SUGCT: variants seen among roughly 807,000 people sequenced by gnomAD.
SUGCT encodes succinyl-CoA:glutarate-CoA transferase.
In SUGCT, 41 loss-of-function variants were observed where a neutral mutation model predicts 55.0. That is an observed-to-expected ratio of 0.74 (90% confidence interval 0.58 to 0.97). The LOEUF (loss-of-function observed/expected upper bound fraction) is 0.97. SUGCT is among the 50% of genes least tolerant of loss of function. The probability of loss-of-function intolerance (pLI) is 0.00; values close to 1 mark genes in which losing one functional copy is unlikely to be tolerated. For missense variants in SUGCT, 568 were observed against 547.8 expected (o/e 1.04, Z -0.37); for synonymous variants, 187 against 200.4 (o/e 0.93, Z 0.56).
chr7:40,359,124 C>T (rs190673704), intron 9 of SUGCT, among the ~76,000 whole-genome samples: 1 of 152,188 alleles, frequency 6.6e-6, no homozygotes. Context: ...CTTATTCCAG[C>T]AGCATTAGCT....
intron 9 of SUGCT, among the ~76,000 whole-genome samples, chr7:40,370,448 A>G (rs908776539): frequency 1.3e-5 from 2 of 152,108 alleles, no homozygotes; most frequent in African/African-American, 4.8e-5. Context: ...TGATCCCCCC[A>G]TATGAAGTTG....
At chr7:40,763,536 C>T (rs1017177664) in intron 13 of SUGCT, among the ~76,000 whole-genome samples, 5 of 152,234 alleles carry the variant, frequency 3.3e-5, no homozygotes, top group East Asian at 3.9e-4. Context: ...TGAAATGGTT[C>T]GCTCATGTTT....
intron 12 of SUGCT, among the ~76,000 whole-genome samples, chr7:40,522,977 T>C (rs1276046962): frequency 6.6e-6 from 1 of 152,148 alleles, no homozygotes; most frequent in African/African-American, 2.4e-5. Context: ...ATGTAATTAA[T>C]GTTTGCCAAA....
Position 40,604,079 on chromosome 7 carries a change from T to TG in SUGCT, c.1089+107698dup, listed in dbSNP as rs554907520. ...CTGCTTCTAGACCTTTGCATAGGAGTGGGGGAGGTTCCTCAATGTGGGGGT... is the reference window on the plus strand; with the variant it reads ...CTGCTTCTAGACCTTTGCATAGGAGTGGGGGGAGGTTCCTCAATGTGGGGGT... On this transcript the variant is annotated intron_variant, in intron 12 of 13. Coordinates refer to ENST00000335693, the MANE Select transcript of SUGCT (RefSeq NM_001193313.2). Among the ~76,000 whole-genome samples the TG allele has an allele frequency of 1.4e-3, 216 of 152,042 alleles. 1 individual carries two copies. The highest frequency in any genetic ancestry group is 4.7e-3 in the African/African-American group (195 of 41,478).
At chr7:40,492,667 C>G (rs888516287) in intron 11 of SUGCT, among the ~76,000 whole-genome samples, 1 of 152,192 alleles carries the variant, frequency 6.6e-6, no homozygotes, top group Non-Finnish European at 1.5e-5. Context: ...AAGAGCCTTT[C>G]TCTCATCTTT....
intron 12 of SUGCT, among the ~76,000 whole-genome samples, chr7:40,518,854 A>G (rs868060392): frequency 6.6e-6 from 1 of 152,116 alleles, no homozygotes. Flanking sequence ...AAATGACAAT[A>G]AATAGACCAG....
At chr7:40,931,787 A>G in the SUGCT span, among the ~76,000 whole-genome samples, 2 of 152,010 alleles carry the variant, frequency 1.3e-5, no homozygotes, top group Non-Finnish European at 2.9e-5. Context: ...ATCATTTTTT[A>G]TTGCATCTAT....
At chr7:40,998,196 C>T in the SUGCT span, among the ~76,000 whole-genome samples, 73 of 152,162 alleles carry the variant, frequency 4.8e-4, 3 homozygotes, top group South Asian at 0.012. Flanking sequence ...ATGAAACCCC[C>T]GTTTGTACTA....
rs372894804 is a variant in SUGCT at position 40,674,193 on chromosome 7, A to T, written c.1090-75241A>T. Among the ~76,000 whole-genome samples the T allele has an allele frequency of 4.9e-4, 74 of 152,362 alleles. 4 individuals carry two copies. In the South Asian group the frequency reaches 0.01, roughly 21 times the overall value. ...TTTCTTCTTGGAAGGTATAAATTTT[A>T]TAAAAGGAGTGGCTACATAAAATGG... On this transcript the variant is annotated intron_variant, in intron 12 of 13. Coordinates refer to ENST00000335693, the MANE Select transcript of SUGCT (RefSeq NM_001193313.2).
intron 9 of SUGCT, among the ~76,000 whole-genome samples, chr7:40,396,997 A>G (rs1212335878): frequency 6.6e-6 from 1 of 152,212 alleles, no homozygotes; most frequent in Non-Finnish European, 1.5e-5. Context: ...TATGAATACT[A>G]TACTGGTCTT....
intron 12 of SUGCT, among the ~76,000 whole-genome samples, chr7:40,662,787 A>G (rs1424761886): frequency 6.6e-6 from 1 of 152,136 alleles, no homozygotes; most frequent in Non-Finnish European, 1.5e-5. Context: ...TGATCTCAAC[A>G]TATTTTATAT....
the SUGCT span, among the ~76,000 whole-genome samples, chr7:40,937,958 C>A: frequency 6.6e-6 from 1 of 152,150 alleles, no homozygotes; most frequent in Non-Finnish European, 1.5e-5. Context: ...ATAAGGAGCA[C>A]ACAACCTAGA....
intron 12 of SUGCT, among the ~76,000 whole-genome samples, chr7:40,709,517 C>G (rs1785595141): frequency 6.6e-6 from 1 of 152,206 alleles, no homozygotes; most frequent in African/African-American, 2.4e-5. Flanking sequence ...GCAAGGAGTT[C>G]AGGCTTAAGA....
At chr7:40,360,495 C>G (rs780085163) in intron 9 of SUGCT, among the ~76,000 whole-genome samples, 2 of 152,190 alleles carry the variant, frequency 1.3e-5, no homozygotes, top group African/African-American at 2.4e-5. Context: ...CAGTGAAGAA[C>G]AAGCAATTGC....
chr7:40,455,612 T>C (rs1243327479), intron 10 of SUGCT, among the ~76,000 whole-genome samples: 1 of 152,238 alleles, frequency 6.6e-6, no homozygotes, highest in African/African-American at 2.4e-5. Context: ...CAAATTCTTG[T>C]GCAAATACTT....
chr7:40,367,348 A>T (rs1211857635), intron 9 of SUGCT, among the ~76,000 whole-genome samples: 1 of 151,828 alleles, frequency 6.6e-6, no homozygotes, highest in African/African-American at 2.4e-5. Flanking sequence ...GGACACCAGC[A>T]TGGCACATGT....
intron 12 of SUGCT, among the ~76,000 whole-genome samples, chr7:40,500,910 AAC>A (rs1792249376): frequency 6.6e-6 from 1 of 151,612 alleles, no homozygotes; most frequent in East Asian, 1.9e-4. Flanking sequence ...CATACACACA[AAC>A]ACACCCACAC....
At chr7:40,889,473 A>G in the SUGCT span, among the ~76,000 whole-genome samples, 1 of 152,096 alleles carries the variant, frequency 6.6e-6, no homozygotes, top group African/African-American at 2.4e-5. Flanking sequence ...ATGCCATCAA[A>G]AGTAGTTCCC....
At chr7:40,302,273 GT>G (rs140645912) in intron 8 of SUGCT, among the ~76,000 whole-genome samples, 1 of 151,726 alleles carries the variant, frequency 6.6e-6, no homozygotes, top group African/African-American at 2.4e-5. Flanking sequence ...CTTCCCACCT[GT>G]TTTTTTTGTC....
Sources: gnomAD v4.1 joint callset for allele counts (sites outside exome capture counted in the v4.1 genomes callset) on GRCh38, gnomAD v4.1.1 for gene constraint, MANE v1.5 for transcripts, NCBI Gene and HGNC (gene_info 2026-07-23, HGNC 2026-07-21) for gene names.